Variants in ENAH observed in about 807,000 individuals in gnomAD.
The protein encoded by ENAH is ENAH actin regulator.
In ENAH, 23 loss-of-function variants were observed where a neutral mutation model predicts 78.7. The ratio of observed to expected loss-of-function variants is 0.29; its 90% CI spans 0.21 to 0.41. The LOEUF (loss-of-function observed/expected upper bound fraction) is 0.41. Ranked by LOEUF, ENAH falls within the 10% of genes least tolerant of loss-of-function variation. The probability of loss-of-function intolerance (pLI) is 1.00; values close to 1 mark genes in which losing one functional copy is unlikely to be tolerated. For synonymous variants in ENAH, 226 were observed against 241.0 expected, an observed-to-expected ratio of 0.94 and a Z score of 0.58; for missense variants, 544 against 691.0, an observed-to-expected ratio of 0.79 and a Z score of 2.39.
At chr1:225,621,346 G>A (rs1656876747) in intron 1 of ENAH, among the ~76,000 whole-genome samples, 1 of 149,522 alleles carries the variant, frequency 6.7e-6, no homozygotes, top group South Asian at 2.1e-4. Context: ...AGGCTGGAGT[G>A]CAGTGGCGGG....
rs10683254 is a variant in ENAH at position 225,503,658 on chromosome 1, C to CAAAAAAAAAAAAAAAAAAA, written c.1539-2607_1539-2589dup. 8.4e-5 allele frequency among the ~76,000 whole-genome samples: 7 copies of CAAAAAAAAAAAAAAAAAAA among 82,942 alleles called. 1 individual carries two copies. The highest frequency in any genetic ancestry group is 5.1e-5 in the African/African-American group (1 of 19,554). The allele number at this position is 82,942 out of a possible 152,430, so 54.4% of individuals were successfully genotyped here. A position where few individuals can be genotyped will look rare whatever the true frequency, so the allele number is the denominator to read the frequency against. On this transcript the variant is annotated intron_variant, in intron 11 of 13. Coordinates refer to ENST00000366843, the MANE Select transcript of ENAH (RefSeq NM_018212.6). ...ATCTTTTGGCCAAAACAAACCACCT[C>CAAAAAAAAAAAAAAAAAAA]AAAAAAAAAAAAAAAAAAAACACAA...
chr1:225,588,261 T>G (rs927470113), intron 1 of ENAH, among the ~76,000 whole-genome samples: 1 of 152,142 alleles, frequency 6.6e-6, no homozygotes, highest in Non-Finnish European at 1.5e-5. Context: ...CTACGAAACA[T>G]AAATCTGACA....
At chr1:225,550,451 T>C (rs180741916) in intron 3 of ENAH, among the ~76,000 whole-genome samples, 282 of 152,330 alleles carry the variant, frequency 1.9e-3, no homozygotes, top group Non-Finnish European at 2.1e-3. Context: ...AAAATATTTT[T>C]GTGATATAAG....
intron 1 of ENAH, among the ~76,000 whole-genome samples, chr1:225,621,294 CTCT>C (rs1313400510): frequency 1.4e-5 from 2 of 146,534 alleles, no homozygotes; most frequent in African/African-American, 2.4e-5. Flanking sequence ...AAATCTATCT[CTCT>C]TTTTTTTTTT....
At chr1:225,619,198 G>A (rs564068147) in intron 1 of ENAH, among the ~76,000 whole-genome samples, 1 of 152,046 alleles carries the variant, frequency 6.6e-6, no homozygotes, top group Non-Finnish European at 1.5e-5. Context: ...TTTCATTTGT[G>A]ATAAATCCTG....
At chr1:225,528,306 T>C (rs1280050407) in intron 4 of ENAH, among the ~76,000 whole-genome samples, 1 of 151,818 alleles carries the variant, frequency 6.6e-6, no homozygotes, top group Non-Finnish European at 1.5e-5. Flanking sequence ...CTACAGAAAA[T>C]GACAACGTAG....
At chr1:225,501,180 A>C in intron 11 of ENAH, 110 bp from the exon 12 acceptor site, 1 of 738,080 alleles carries the variant, frequency 1.4e-6, no homozygotes, top group Non-Finnish European at 2.2e-6. Context: ...ACATTTCTTT[A>C]AAAAAGCCAT....
Position 225,652,777 on chromosome 1 carries a change from G to A in ENAH, c.-87C>T. On this transcript the variant is annotated 5_prime_UTR_variant, in exon 1 of 14. Coordinates refer to ENST00000366843, the MANE Select transcript of ENAH (RefSeq NM_018212.6). The stretch of plus-strand genomic sequence containing the variant: ...GGGGGGTCTCTCCTCCAGGGGTGGG[G>A]AGCAGCTCGGAGACGGGAGACAAGT... 1 of 1,131,180 alleles carries A rather than the reference G, an allele frequency of 8.8e-7. No homozygotes were observed. Among genetic ancestry groups the A allele is most frequent in the Non-Finnish European group, 1.1e-6 (1 of 880,536 alleles). 70.1% of individuals were successfully genotyped at this position (1,131,180 alleles called of 1,614,324 possible). A position where few individuals can be genotyped will look rare whatever the true frequency, so the allele number is the denominator to read the frequency against.
intron 11 of ENAH, among the ~76,000 whole-genome samples, chr1:225,505,357 G>C (rs547075395): frequency 4.6e-5 from 7 of 152,290 alleles, no homozygotes; most frequent in Admixed American, 1.3e-4. Flanking sequence ...TAAAGGACTA[G>C]TTTTCCCATC....
In ENAH at chr1:225,496,092, A is replaced by G. The variant is rs1262388478; in HGVS notation, c.*1683T>C. ...TTTCAAAGTTTTAGTAAAACTTCTG[A>G]TAATCAGAGTTCAAAGCAAATATGG... is the stretch of plus-strand genomic sequence containing the variant. On this transcript the variant is annotated 3_prime_UTR_variant, in exon 14 of 14. Coordinates refer to ENST00000366843, the MANE Select transcript of ENAH (RefSeq NM_018212.6). 6.6e-6 allele frequency: 1 copy of G among 152,638 alleles called. No individual in the cohort carries two copies. The highest frequency in any genetic ancestry group is 6.5e-5 in the Admixed American group (1 of 15,290). 9.5% of individuals were successfully genotyped at this position (152,638 alleles called of 1,614,324 possible). A position where few individuals can be genotyped will look rare whatever the true frequency, so the allele number is the denominator to read the frequency against.
intron 1 of ENAH, among the ~76,000 whole-genome samples, chr1:225,574,921 T>A (rs199645901): frequency 0.013 from 22 of 1,698 alleles, no homozygotes; most frequent in African/African-American, 0.015. Flanking sequence ...AAAAAAAAAA[T>A]ATATATATAT....
rs1195759805 is a variant in ENAH, at chr1:225,495,960, A to G, written c.*1815T>C. ...AAATCCCTCATCCAAACTTCTTTGT[A>G]GTGGTAAAGGCTGCAAATTTGCAGC... On this transcript the variant is annotated 3_prime_UTR_variant, in exon 14 of 14. Coordinates refer to ENST00000366843, the MANE Select transcript of ENAH (RefSeq NM_018212.6). The G allele has an allele frequency of 6.6e-6, 1 of 152,642 alleles. No homozygotes were observed. Among genetic ancestry groups the G allele is most frequent in the Non-Finnish European group, 1.5e-5 (1 of 68,024 alleles). 9.5% of individuals were successfully genotyped at this position (152,642 alleles called of 1,614,324 possible). A position where few individuals can be genotyped will look rare whatever the true frequency, so the allele number is the denominator to read the frequency against.
chr1:225,559,134 G>T (rs1350864062), intron 2 of ENAH, among the ~76,000 whole-genome samples: 1 of 151,998 alleles, frequency 6.6e-6, no homozygotes, highest in Non-Finnish European at 1.5e-5. Context: ...TTAATATGTG[G>T]CATGTTCATC....
chr1:225,532,777 T>C lies in ENAH; in HGVS notation c.350-2139A>G, dbSNP rs572729965. 1.1e-4 allele frequency among the ~76,000 whole-genome samples: 17 copies of C among 152,228 alleles called. No homozygotes were observed. The South Asian group carries it at 3.5e-3, about 31-fold the overall frequency. On this transcript the variant is annotated intron_variant, in intron 3 of 13. Transcript: ENST00000366843. ...AAGCAAATCTGTTCAGAAAGGAGAT[T>C]TTTAAAATGTGGGTAATATTTTGTG... is the stretch of plus-strand genomic sequence containing the variant.
chr1:225,604,299 T>C (rs764504422), intron 1 of ENAH, among the ~76,000 whole-genome samples: 1 of 152,156 alleles, frequency 6.6e-6, no homozygotes, highest in Non-Finnish European at 1.5e-5. Context: ...TTATTACTGT[T>C]TCTCTTAACT....
chr1:225,579,301 T>C (rs1266559757), intron 1 of ENAH, among the ~76,000 whole-genome samples: 1 of 152,264 alleles, frequency 6.6e-6, no homozygotes, highest in Admixed American at 6.5e-5. Context: ...CTTCATGTTA[T>C]ATTTAATTTG....
rs1427604487 is a variant in ENAH at position 225,652,718 on chromosome 1, C to A, written c.-28G>T. Reference sequence around the variant, plus strand: ...TGCCGGCGGCGCAGAGGCTTCCCCACCAGCCGGGAGACGCAGAAGGCGCCG... The same window carrying A: ...TGCCGGCGGCGCAGAGGCTTCCCCAACAGCCGGGAGACGCAGAAGGCGCCG... On this transcript the variant is annotated 5_prime_UTR_variant, in exon 1 of 14. Transcript: ENST00000366843. The A allele has an allele frequency of 2.3e-6, 3 of 1,317,434 alleles. No homozygotes were observed. The highest frequency in any genetic ancestry group is 2.9e-6 in the Non-Finnish European group (3 of 1,035,298). 81.6% of individuals were successfully genotyped at this position (1,317,434 alleles called of 1,614,324 possible).
chr1:225,507,867 C>T (rs2096346319), intron 11 of ENAH, 84 bp downstream of exon 11: 8 of 934,324 alleles, frequency 8.6e-6, no homozygotes, highest in Middle Eastern at 3.3e-4. Context: ...TAATTTCTTA[C>T]CATTCAATTT....
rs1389571306 is a variant in ENAH at position 225,517,615 on chromosome 1, G to C, written c.803-309C>G. 1.9e-6 allele frequency: 3 copies of C among 1,550,966 alleles called. No homozygotes were observed. In the South Asian group the frequency reaches 3.6e-5, roughly 18 times the overall value. On this transcript the variant is annotated intron_variant, in intron 5 of 13. Transcript: ENST00000366843. ...GGGGCTGCTAATCATTATTGGAGGA[G>C]ATGGAGGGAGGGGCGAAAAATTGGA...
Sources: gnomAD v4.1 joint callset for allele counts (sites outside exome capture counted in the v4.1 genomes callset) on GRCh38, gnomAD v4.1.1 for gene constraint, MANE v1.5 for transcripts, NCBI Gene and HGNC (gene_info 2026-07-23, HGNC 2026-07-21) for gene names.